Variants in ELF5 observed in about 807,000 individuals in gnomAD.
ELF5 encodes the protein ETS-related transcription factor Elf-5.
A neutral mutation model predicts 38.2 loss-of-function variants in ELF5; 31 were observed. The ratio of observed to expected loss-of-function variants is 0.81; its 90% CI spans 0.61 to 1.10. The LOEUF is 1.10. Ranked by LOEUF, ELF5 falls within the 50% of genes least tolerant of loss-of-function variation. The pLI, the probability that ELF5 is intolerant of heterozygous loss-of-function variation, is 0.00. For missense variants in ELF5, 300 were observed against 306.6 expected, an observed-to-expected ratio of 0.98 and a Z score of 0.16; for synonymous variants, 121 against 112.5, an observed-to-expected ratio of 1.08 and a Z score of -0.48.
Position 34,482,497 on chromosome 11 carries a change from C to T in ELF5, c.409G>A (p.Ala137Thr), listed in dbSNP as rs763786160. The T allele has an allele frequency of 6.8e-6, 11 of 1,612,042 alleles. No homozygotes were observed. The highest frequency in any genetic ancestry group is 6.7e-5 in the Admixed American group (4 of 59,646). Reference protein sequence around the residue: ...EESKATIKDYADSNCLKTSGI... With the variant: ...EESKATIKDYTDSNCLKTSGI... ...CTTGTTTTCAAGCAGTTGGAATCAGCATCTGAAATAGAATAATTTATAGCA... is the reference window on the plus strand; with the variant it reads ...CTTGTTTTCAAGCAGTTGGAATCAGTATCTGAAATAGAATAATTTATAGCA... The change falls in exon 5 of 7, where the codon GCT becomes ACT. Residue 137 changes from alanine to threonine, a missense_variant and splice_region_variant. Coordinates refer to ENST00000257832, the MANE Select transcript of ELF5 (RefSeq NM_001422.4).
intron 1 of ELF5, among the ~76,000 whole-genome samples, chr11:34,506,917 CGT>C (rs145898006): frequency 2.0e-5 from 3 of 151,990 alleles, no homozygotes; most frequent in African/African-American, 4.8e-5. Context: ...TGTGTGTGTA[CGT>C]GTGTGTGTGT....
intron 2 of ELF5, among the ~76,000 whole-genome samples, chr11:34,494,360 T>A (rs1158889967): frequency 1.3e-5 from 2 of 152,252 alleles, no homozygotes; most frequent in Non-Finnish European, 2.9e-5. Flanking sequence ...TTACTGGCAA[T>A]CTTGTGCCAA....
In ELF5 at chr11:34,493,586, T is replaced by C. The variant is rs371695751; in HGVS notation, c.248A>G (p.Asn83Ser). The C allele has an allele frequency of 6.2e-7, 1 of 1,614,148 alleles. No homozygotes were observed. The highest frequency in any genetic ancestry group is 8.5e-7 in the Non-Finnish European group (1 of 1,180,032). ...GCTGCACAGCTGCAGGCCACTGATG[T>C]TGAAGTTGCAGAAGGAGATGCAATT... The part of the protein sequence containing the change: ...DTNCISFCNF[N>S]ISGLQLCSMT... Residue 83 changes from asparagine to serine, a missense_variant, in exon 3 of 7, where the codon AAC becomes AGC. By Grantham distance (46) the Asn-to-Ser change is conservative. Coordinates refer to ENST00000257832, the MANE Select transcript of ELF5 (RefSeq NM_001422.4).
At chr11:34,508,692 A>G (rs1766198201) in intron 1 of ELF5, among the ~76,000 whole-genome samples, 2 of 152,196 alleles carry the variant, frequency 1.3e-5, no homozygotes, top group Admixed American at 1.3e-4. Flanking sequence ...GCATGTTGCC[A>G]GTTGATGTGA....
intron 1 of ELF5, among the ~76,000 whole-genome samples, chr11:34,507,155 C>T (rs182689993): frequency 1.3e-5 from 2 of 152,318 alleles, no homozygotes; most frequent in South Asian, 2.1e-4. Context: ...AATCTGTACT[C>T]CACTGTATAT....
At chr11:34,500,210 T>C (rs1014930566) in intron 2 of ELF5, among the ~76,000 whole-genome samples, 1 of 152,136 alleles carries the variant, frequency 6.6e-6, no homozygotes, top group African/African-American at 2.4e-5. Context: ...TTAGACAAAC[T>C]TGGACCATAA....
intron 1 of ELF5, chr11:34,511,573 A>C (rs1194084406): frequency 6.2e-7 from 1 of 1,614,224 alleles, no homozygotes; most frequent in East Asian, 2.2e-5. Flanking sequence ...ATGGCATGGA[A>C]GCTGAGGTCC....
intron 5 of ELF5, 75 bp downstream of exon 5, chr11:34,482,356 G>T: frequency 1.4e-6 from 2 of 1,383,114 alleles, no homozygotes; most frequent in Non-Finnish European, 2.0e-6. Flanking sequence ...TAGTTTCAAA[G>T]CTTATTAAAG....
chr11:34,501,498 G>C (rs1028474422), intron 2 of ELF5, among the ~76,000 whole-genome samples: 1 of 152,108 alleles, frequency 6.6e-6, no homozygotes, highest in Non-Finnish European at 1.5e-5. Flanking sequence ...AATGACTACT[G>C]GAGGGTTGGC....
At chr11:34,489,712 C>A (rs771491267) in intron 4 of ELF5, among the ~76,000 whole-genome samples, 1 of 152,166 alleles carries the variant, frequency 6.6e-6, no homozygotes, top group Non-Finnish European at 1.5e-5. Context: ...ATGCTGGGCT[C>A]TTTGTGTGCA....
chr11:34,512,870 C>T (rs992672960), intron 1 of ELF5, among the ~76,000 whole-genome samples: 3 of 152,308 alleles, frequency 2.0e-5, no homozygotes, highest in African/African-American at 4.8e-5. Context: ...GACTGAACCA[C>T]AGAGCTGCCT....
chr11:34,496,833 G>C (rs1006577714), intron 2 of ELF5, among the ~76,000 whole-genome samples: 1 of 152,184 alleles, frequency 6.6e-6, no homozygotes, highest in African/African-American at 2.4e-5. Context: ...CGGGACCCCT[G>C]TAAGGTCACG....
intron 2 of ELF5, among the ~76,000 whole-genome samples, chr11:34,502,461 G>A (rs568136219): frequency 2.0e-5 from 3 of 152,368 alleles, no homozygotes; most frequent in African/African-American, 7.2e-5. Flanking sequence ...CCAAATGGCT[G>A]CACCTCTCTG....
intron 5 of ELF5, among the ~76,000 whole-genome samples, chr11:34,481,902 T>G (rs1420544041): frequency 1.3e-5 from 2 of 152,254 alleles, no homozygotes; most frequent in African/African-American, 4.8e-5. Context: ...GTTAGAATTA[T>G]GCCCAGCACA....
At chr11:34,497,073 G>A (rs769978852) in intron 2 of ELF5, among the ~76,000 whole-genome samples, 7 of 152,180 alleles carry the variant, frequency 4.6e-5, no homozygotes, top group Non-Finnish European at 8.8e-5. Flanking sequence ...TCAGAAAGAG[G>A]ATGGAGAGAC....
At chr11:34,501,626 G>C (rs3758736) in intron 2 of ELF5, among the ~76,000 whole-genome samples, 1 of 151,906 alleles carries the variant, frequency 6.6e-6, no homozygotes, top group Non-Finnish European at 1.5e-5. Context: ...AGTAGTCATC[G>C]TTCTTTACTT....
chr11:34,479,996 C>T lies in ELF5; in HGVS notation c.*222G>A, dbSNP rs1805101941. ...AAGACACCACAAAAGATCATCCCCT[C>T]ATCCCCTTAGGGAGAAGAAAGGATT... On this transcript the variant is annotated 3_prime_UTR_variant, in exon 7 of 7. Coordinates refer to ENST00000257832, the MANE Select transcript of ELF5 (RefSeq NM_001422.4). The T allele has an allele frequency of 1.8e-6, 1 of 545,908 alleles. No homozygotes were observed. 33.8% of individuals were successfully genotyped at this position (545,908 alleles called of 1,614,324 possible).
In ELF5 at chr11:34,482,438, AC is replaced by A. The variant is rs1407608217; in HGVS notation, c.467del (p.Ser156IlefsTer59). 3.1e-6 allele frequency: 5 copies of A among 1,613,434 alleles called. No individual in the cohort carries two copies. Among genetic ancestry groups the A allele is most frequent in the Non-Finnish European group, 4.2e-6 (5 of 1,179,808 alleles). On this transcript the variant is annotated frameshift_variant, in exon 5 of 7. Transcript: ENST00000257832. LOFTEE classifies it high-confidence loss of function. ...CTGGCATCCTGCACTTACTTGTTCTACTATGACTGTGACAGTCTTGACTTTT... is the reference window on the plus strand; with the variant it reads ...CTGGCATCCTGCACTTACTTGTTCTATATGACTGTGACAGTCTTGACTTTT... ...GIKSQDCHSHSRTSLQSSHLW... is the reference protein window; with the variant it reads ...GIKSQDCHSHXRTSLQSSHLW...
intron 2 of ELF5, among the ~76,000 whole-genome samples, chr11:34,499,889 C>T (rs554370424): frequency 1.3e-5 from 2 of 152,318 alleles, no homozygotes; most frequent in African/African-American, 4.8e-5. Flanking sequence ...ATTAGCTGTG[C>T]AACTCTAACA....
Sources: allele counts gnomAD v4.1 joint callset (sites outside exome capture counted in the v4.1 genomes callset), GRCh38; gene constraint gnomAD v4.1.1; transcripts MANE v1.5; gene names NCBI Gene and HGNC (gene_info 2026-07-23, HGNC 2026-07-21).